Variants in NIN observed in about 807,000 individuals in gnomAD.
NIN encodes ninein, also known as glycogen synthase kinase 3 beta-interacting protein.
In NIN, 137 loss-of-function variants were observed where a neutral mutation model predicts 257.6. That is an observed-to-expected ratio of 0.53 (90% CI 0.46 to 0.61). The LOEUF is 0.61. Ranked by LOEUF, NIN falls within the 20% of genes least tolerant of loss-of-function variation. The pLI is 0.00. For missense variants in NIN, 2,439 were observed against 2,501.2 expected (o/e 0.98, Z 0.53); for synonymous variants, 918 against 919.8 (o/e 1.00, Z 0.04).
Position 50,722,885 on chromosome 14 carries a change from T to A in NIN, c.*578A>T, listed in dbSNP as rs548437962. 425 of 213,342 alleles carry A rather than the reference T, an allele frequency of 2.0e-3. No homozygotes were observed. Among genetic ancestry groups the A allele is most frequent in the Non-Finnish European group, 2.6e-3 (279 of 105,392 alleles). The allele number at this position is 213,342 out of a possible 1,614,324, so 13.2% of individuals were successfully genotyped here. On this transcript the variant is annotated 3_prime_UTR_variant, in exon 31 of 31. Transcript: ENST00000530997. ...AAGAGTGGTAATACTGTCACAGGTG[T>A]TAGAAGGTTAGAATTCTACAGATTT...
At position 50,792,723 on chromosome 14, in the gene NIN, C is replaced by T. The variant is rs746020157; in HGVS notation, c.424G>A (p.Asp142Asn). 6.2e-7 allele frequency: 1 copy of T among 1,614,174 alleles called. No homozygotes were observed. Among genetic ancestry groups the T allele is most frequent in the Non-Finnish European group, 8.5e-7 (1 of 1,180,024 alleles). Reference protein sequence around the residue: ...EARPSHIPAGDCSEHWKTQRS... With the variant: ...EARPSHIPAGNCSEHWKTQRS... ...GCCCGATTCCTTACCTCACTGCAGT[C>T]ACCGGCTGGGATGTGTGAAGGCCGC... is the stretch of plus-strand genomic sequence containing the variant. The change falls in exon 5 of 31, where the codon GAC becomes AAC. Residue 142 changes from aspartate (D) to asparagine (N), a missense_variant. Coordinates refer to ENST00000530997, the MANE Select transcript of NIN (RefSeq NM_020921.4).
intron 23 of NIN, 28 bp downstream of exon 23, chr14:50,744,215 G>A: frequency 6.2e-7 from 1 of 1,610,610 alleles, no homozygotes; most frequent in Non-Finnish European, 8.5e-7. Context: ...TGTATACGAT[G>A]ATGGTAAAGT....
At position 50,741,616 on chromosome 14, in the gene NIN, G is replaced by A. The variant is rs750426217; in HGVS notation, c.5414C>T (p.Ser1805Phe). ...AGCATTCTGAAGTTGCTTATGTAAAGACATCACTTCTTGTTTTAAAGCCTC... is the reference window on the plus strand; with the variant it reads ...AGCATTCTGAAGTTGCTTATGTAAAAACATCACTTCTTGTTTTAAAGCCTC... The part of the protein sequence containing the change: ...EKEALKQEVM[S>F]LHKQLQNAGG... The change falls in exon 25 of 31, where the codon TCT becomes TTT. Residue 1805 changes from serine (S) to phenylalanine (F), a missense_variant. Transcript: ENST00000530997. 1 of 1,614,098 alleles carries A rather than the reference G, an allele frequency of 6.2e-7. No homozygotes were observed. Among genetic ancestry groups the A allele is most frequent in the Non-Finnish European group, 8.5e-7 (1 of 1,179,994 alleles).
Position 50,747,594 on chromosome 14 carries a change from C to T in NIN, c.5064+398G>A, listed in dbSNP as rs114975665. 8.2e-3 allele frequency among the ~76,000 whole-genome samples: 1,241 copies of T among 151,966 alleles called. 19 individuals are homozygous for T. Among genetic ancestry groups the T allele is most frequent in the African/African-American group, 0.027 (1,138 of 41,434 alleles). On this transcript the variant is annotated intron_variant, in intron 22 of 30. Transcript: ENST00000530997. Reference sequence around the variant, plus strand: ...ATTAAAAACACAAAAATTATCTGGGCGTGGTGATGGGCACCTGTAATCCCA... The same window carrying T: ...ATTAAAAACACAAAAATTATCTGGGTGTGGTGATGGGCACCTGTAATCCCA...
chr14:50,744,511 A>C, intron 22 of NIN, 146 bp from the exon 23 acceptor site: 2 of 799,594 alleles, frequency 2.5e-6, no homozygotes, highest in Non-Finnish European at 3.9e-6. Context: ...CAGAGACTAT[A>C]ATAAACTTCA....
intron 29 of NIN, chr14:50,727,119 A>T: frequency 3.5e-6 from 1 of 282,056 alleles, no homozygotes; most frequent in Non-Finnish European, 4.3e-6. Flanking sequence ...TAAAGTTCAA[A>T]CATAAATACA....
chr14:50,739,263 A>C, intron 26 of NIN, 45 bp downstream of exon 26: 1 of 1,570,826 alleles, frequency 6.4e-7, no homozygotes, highest in Non-Finnish European at 8.7e-7. Flanking sequence ...CTATCAAACT[A>C]GTCATTTTCA....
intron 17 of NIN, 67 bp from the exon 18 acceptor site, chr14:50,758,697 T>C (rs914485495): frequency 1.4e-6 from 2 of 1,447,314 alleles, no homozygotes; most frequent in Non-Finnish European, 1.8e-6. Context: ...AAAAACCATT[T>C]TCCCATGCAC....
chr14:50,781,278 C>T (rs894545092), intron 5 of NIN, among the ~76,000 whole-genome samples: 3 of 151,928 alleles, frequency 2.0e-5, no homozygotes, highest in African/African-American at 7.3e-5. Flanking sequence ...TTTCTAACAG[C>T]AGAAATGAAT....
chr14:50,770,281 G>T, intron 12 of NIN, 107 bp downstream of exon 12: 3 of 1,159,260 alleles, frequency 2.6e-6, no homozygotes, highest in South Asian at 3.2e-5. Context: ...CAAACTTGGA[G>T]GATTTTTGGA....
intron 12 of NIN, among the ~76,000 whole-genome samples, chr14:50,769,793 A>G (rs574857481): frequency 1.6e-4 from 25 of 152,042 alleles, no homozygotes; most frequent in African/African-American, 5.5e-4. Context: ...ACATTTTTTA[A>G]TTAGCTGAGC....
At chr14:50,797,467 C>A (rs2043892689) in intron 4 of NIN, among the ~76,000 whole-genome samples, 1 of 152,118 alleles carries the variant, frequency 6.6e-6, no homozygotes. Context: ...GCTGAGCTCA[C>A]AGGAATGCTG....
chr14:50,757,510 C>T lies in NIN; in HGVS notation c.3520G>A (p.Glu1174Lys). 6.2e-7 allele frequency: 1 copy of T among 1,614,076 alleles called. No individual in the cohort carries two copies. The highest frequency in any genetic ancestry group is 2.2e-5 in the East Asian group (1 of 44,882). ...TCAGAAAAACCCTCTACTGAAGCTT[C>T]AGACTCCTCTATTTTGACTTCCTGT... ...QRQEVKIEES[E>K]ASVEGFSELE... The change falls in exon 18 of 31, where the codon GAA (glutamate) becomes AAA (lysine). Residue 1174 changes from glutamate to lysine, a missense_variant. By Grantham distance (56) the Glu-to-Lys change is moderately conservative (BLOSUM62 1). Around this residue, in one of 3 missense-constraint regions of NIN, gnomAD observed 2,043 missense variants for 2,050.2 expected, o/e 1.00. Transcript: ENST00000530997.
intron 4 of NIN, among the ~76,000 whole-genome samples, chr14:50,793,979 T>C: frequency 6.6e-6 from 1 of 152,226 alleles, no homozygotes; most frequent in East Asian, 1.9e-4. Flanking sequence ...TGTTTGAACA[T>C]GAGTCTTAGC....
chr14:50,815,986 G>A (rs932946249), intron 3 of NIN, among the ~76,000 whole-genome samples: 3 of 152,244 alleles, frequency 2.0e-5, no homozygotes, highest in East Asian at 1.9e-4. Context: ...AGCCTGGGGC[G>A]ACAGGGCGAG....
At chr14:50,730,855 T>A in intron 28 of NIN, 1 of 1,221,640 alleles carries the variant, frequency 8.2e-7, no homozygotes, top group Non-Finnish European at 1.1e-6. Context: ...TCAACAGAAA[T>A]AACATGAGCA....
At chr14:50,726,304 C>T (rs2040410594) in intron 29 of NIN, 1 of 448,834 alleles carries the variant, frequency 2.2e-6, no homozygotes, top group South Asian at 4.3e-5. Flanking sequence ...GTGTTACCAT[C>T]ATCCCCCTGA....
chr14:50,770,498 C>G lies in NIN; in HGVS notation c.1324G>C (p.Glu442Gln), dbSNP rs372578459. The G allele has an allele frequency of 2.4e-5, 38 of 1,614,126 alleles. No homozygotes were observed. The East Asian group carries it at 8.2e-4, about 35-fold the overall frequency. The change falls in exon 12 of 31, where the codon GAG becomes CAG. Residue 442 changes from glutamate to glutamine, a missense_variant. By Grantham distance (29) the Glu-to-Gln change is conservative. Around this residue, in one of 3 missense-constraint regions of NIN, gnomAD observed 2,043 missense variants for 2,050.2 expected, o/e 1.00. Coordinates refer to ENST00000530997, the MANE Select transcript of NIN (RefSeq NM_020921.4). ...TTGCCTGCCTGCTGCAGGATCTGCT[C>G]TCTCTCTTTTCGGAGTTCATTTTTT... Reference protein sequence around the residue: ...ALKNELRKEREQILQQAGKQR... With the variant: ...ALKNELRKERQQILQQAGKQR...
Position 50,758,477 on chromosome 14 carries a change from C to G in NIN, c.2553G>C (p.Gln851His). The G allele has an allele frequency of 6.2e-7, 1 of 1,614,248 alleles. No individual in the cohort carries two copies. The highest frequency in any genetic ancestry group is 1.1e-5 in the South Asian group (1 of 91,086). The stretch of plus-strand genomic sequence containing the variant: ...ATTCCCACTGGGATTTCTCCTCACG[C>G]TGCTGTTCCTGGAGGTCCTTCAGCT... ...RQELKDLQEQ[Q>H]REEKSQWEFE... The change falls in exon 18 of 31, where the codon CAG becomes CAC. Residue 851 changes from glutamine (Q) to histidine (H), a missense_variant. By Grantham distance (24) the Gln-to-His change is conservative. Transcript: ENST00000530997.
Sources: allele counts gnomAD v4.1 joint callset (sites outside exome capture counted in the v4.1 genomes callset), GRCh38; gene constraint gnomAD v4.1.1; regional missense constraint gnomAD v4.1.1; transcripts MANE v1.5; gene names NCBI Gene and HGNC (gene_info 2026-07-23, HGNC 2026-07-21).